The following VWC2L variants were observed in gnomAD, a reference collection of about 807,000 sequenced individuals.
VWC2L encodes von Willebrand factor C domain containing 2 like, also known as von Willebrand factor C domain-containing protein 2-like.
VWC2L carries 10 observed loss-of-function variants against 21.6 expected under a neutral mutation model. The ratio of observed to expected loss-of-function variants is 0.46; its 90% CI spans 0.29 to 0.78. The LOEUF (loss-of-function observed/expected upper bound fraction) is 0.78, where lower values mean the gene tolerates loss of function less well. Ranked by LOEUF, VWC2L falls within the 30% of genes least tolerant of loss-of-function variation. VWC2L has a pLI of 0.10. For missense variants in VWC2L, 209 were observed against 277.1 expected (o/e 0.75, Z 1.74); for synonymous variants, 96 against 94.3 (o/e 1.02, Z -0.10).
chr2:214,429,881 T>C (rs1254167931), intron 2 of VWC2L, among the ~76,000 whole-genome samples: 2 of 152,186 alleles, frequency 1.3e-5, no homozygotes, highest in Admixed American at 6.5e-5. Flanking sequence ...TGGAGTGCAA[T>C]GGCGCAATCT....
At position 214,414,325 on chromosome 2, in the gene VWC2L, C is replaced by T; in HGVS notation, c.132C>T (p.Ile44=). The part of the protein sequence containing the change: ...GDQISSNDNL[I]FDDYRGKGCV... ...AGATCTCCAGTAATGACAATCTGAT[C>T]TTTGATGACTATCGAGGGAAAGGGT... Residue 44 remains isoleucine, a synonymous_variant, in exon 2 of 4, where the codon ATC becomes ATT. Transcript: ENST00000312504. 12 of 1,613,820 alleles carry T rather than the reference C, an allele frequency of 7.4e-6. No homozygotes were observed. The highest frequency in any genetic ancestry group is 1.0e-5 in the Non-Finnish European group (12 of 1,179,838).
At chr2:214,504,874 G>A (rs1688946010) in intron 3 of VWC2L, among the ~76,000 whole-genome samples, 1 of 152,180 alleles carries the variant, frequency 6.6e-6, no homozygotes, top group Non-Finnish European at 1.5e-5. Flanking sequence ...GATGAAAGAG[G>A]ATAGACAGAC....
intron 3 of VWC2L, among the ~76,000 whole-genome samples, chr2:214,512,502 A>G (rs1281031632): frequency 6.6e-6 from 1 of 152,102 alleles, no homozygotes; most frequent in Non-Finnish European, 1.5e-5. Flanking sequence ...ATAAACCCCC[A>G]TGACACACAT....
intron 2 of VWC2L, among the ~76,000 whole-genome samples, chr2:214,417,235 T>C (rs1389472034): frequency 6.6e-6 from 1 of 152,160 alleles, no homozygotes; most frequent in Non-Finnish European, 1.5e-5. Flanking sequence ...CAAGCATTTA[T>C]CAGACCGTTC....
chr2:214,506,583 T>C (rs973692301), intron 3 of VWC2L, among the ~76,000 whole-genome samples: 2 of 152,174 alleles, frequency 1.3e-5, no homozygotes, highest in African/African-American at 4.8e-5. Context: ...GACTCAATAA[T>C]TTTACTTCTA....
At position 214,439,831 on chromosome 2, in the gene VWC2L, G is replaced by T. The variant is rs115752728; in HGVS notation, c.520+3073G>T. Among the ~76,000 whole-genome samples, 784 of 151,712 alleles carry T rather than the reference G, an allele frequency of 5.2e-3. 6 individuals are homozygous for T. Among genetic ancestry groups the T allele is most frequent in the African/African-American group, 0.018 (754 of 41,450 alleles). On this transcript the variant is annotated intron_variant, in intron 3 of 3. Coordinates refer to ENST00000312504, the MANE Select transcript of VWC2L (RefSeq NM_001080500.4). Reference sequence around the variant, plus strand: ...ATTATTTAAGAGCAAACAAAACAAAGAAAGATAACAATATGTATGTAGTTT... The same window carrying T: ...ATTATTTAAGAGCAAACAAAACAAATAAAGATAACAATATGTATGTAGTTT...
intron 3 of VWC2L, among the ~76,000 whole-genome samples, chr2:214,545,979 G>A (rs776150814): frequency 6.6e-6 from 1 of 152,074 alleles, no homozygotes; most frequent in African/African-American, 2.4e-5. Flanking sequence ...TTTTTAAAAG[G>A]CATTTCTGTA....
At chr2:214,565,306 C>T (rs1419422173) in intron 3 of VWC2L, among the ~76,000 whole-genome samples, 1 of 152,148 alleles carries the variant, frequency 6.6e-6, no homozygotes, top group Admixed American at 6.5e-5. Flanking sequence ...ATTGAGCTTG[C>T]AACCTCTTTG....
chr2:214,479,099 G>A (rs1043978137), intron 3 of VWC2L, among the ~76,000 whole-genome samples: 3 of 152,048 alleles, frequency 2.0e-5, no homozygotes, highest in South Asian at 2.1e-4. Context: ...TAATAACTTT[G>A]ATCTTGCAGA....
intron 3 of VWC2L, among the ~76,000 whole-genome samples, chr2:214,531,735 T>A (rs1210999166): frequency 6.6e-6 from 1 of 152,140 alleles, no homozygotes; most frequent in Non-Finnish European, 1.5e-5. Flanking sequence ...CATGAAAACA[T>A]GACTATCAGT....
At chr2:214,488,459 C>T (rs184758021) in intron 3 of VWC2L, among the ~76,000 whole-genome samples, 3 of 152,142 alleles carry the variant, frequency 2.0e-5, no homozygotes, top group East Asian at 3.9e-4. Flanking sequence ...ATTAGCCAGC[C>T]GTAGTGGTGT....
chr2:214,577,016 T>C lies in VWC2L; in HGVS notation c.*1196T>C, dbSNP rs1210368230. On this transcript the variant is annotated 3_prime_UTR_variant, in exon 4 of 4. Coordinates refer to ENST00000312504, the MANE Select transcript of VWC2L (RefSeq NM_001080500.4). ...AATTAAAGTGAACCTTTGAAGAGTC[T>C]CTAGGTTGCCCTGGTAATGCTGCTA... is the stretch of plus-strand genomic sequence containing the variant. 1 of 152,160 alleles carries C rather than the reference T, an allele frequency of 6.6e-6. No homozygotes were observed. The highest frequency in any genetic ancestry group is 1.5e-5 in the Non-Finnish European group (1 of 68,028). 9.4% of individuals were successfully genotyped at this position (152,160 alleles called of 1,614,324 possible). A position where few individuals can be genotyped will look rare whatever the true frequency, so the allele number is the denominator to read the frequency against.
At chr2:214,516,614 G>A (rs552398234) in intron 3 of VWC2L, among the ~76,000 whole-genome samples, 8 of 151,032 alleles carry the variant, frequency 5.3e-5, no homozygotes, top group East Asian at 3.9e-4. Context: ...ATAGCTTATC[G>A]TTAAGCAAAA....
At chr2:214,546,236 G>A (rs2105923043) in intron 3 of VWC2L, among the ~76,000 whole-genome samples, 1 of 152,278 alleles carries the variant, frequency 6.6e-6, no homozygotes, top group South Asian at 2.1e-4. Context: ...CATTTACTAA[G>A]CAGTGTGAAG....
intron 3 of VWC2L, among the ~76,000 whole-genome samples, chr2:214,569,503 C>T (rs541237287): frequency 2.0e-5 from 3 of 152,216 alleles, no homozygotes; most frequent in African/African-American, 4.8e-5. Context: ...ATAAAAACAC[C>T]CACCATGGCC....
At chr2:214,422,154 C>A (rs6740073) in intron 2 of VWC2L, among the ~76,000 whole-genome samples, 2,476 of 152,074 alleles carry the variant, frequency 0.016, 59 homozygotes, top group African/African-American at 0.054. Flanking sequence ...TCCCAAAGTG[C>A]TGGGATTACA....
At chr2:214,453,725 CTT>C (rs33937313) in intron 3 of VWC2L, among the ~76,000 whole-genome samples, 7 of 142,482 alleles carry the variant, frequency 4.9e-5, no homozygotes, top group Non-Finnish European at 6.1e-5. Context: ...AATTTTTTTT[CTT>C]TTTTTTTTTT....
At chr2:214,465,952 C>G (rs2126190614) in intron 3 of VWC2L, among the ~76,000 whole-genome samples, 1 of 152,322 alleles carries the variant, frequency 6.6e-6, no homozygotes, top group Admixed American at 6.5e-5. Flanking sequence ...TGCACTCTCC[C>G]TCCCCCAAGC....
chr2:214,454,815 G>A (rs1404673023), intron 3 of VWC2L, among the ~76,000 whole-genome samples: 1 of 151,674 alleles, frequency 6.6e-6, no homozygotes. Context: ...TGTTAGCCAG[G>A]ATGGTCTTGA....
Sources: allele counts gnomAD v4.1 joint callset (sites outside exome capture counted in the v4.1 genomes callset), GRCh38; gene constraint gnomAD v4.1.1; transcripts MANE v1.5; gene names NCBI Gene and HGNC (gene_info 2026-07-23, HGNC 2026-07-21).